CDK8: variants seen among roughly 807,000 people sequenced by gnomAD.
CDK8 encodes the protein cyclin-dependent kinase 8.
Under a neutral mutation model 71.5 loss-of-function variants are expected in CDK8, and 29 were observed. The ratio of observed to expected loss-of-function variants is 0.41; its 90% confidence interval spans 0.30 to 0.55. The LOEUF (loss-of-function observed/expected upper bound fraction) is 0.55, where lower values mean the gene tolerates loss of function less well. Ranked by LOEUF, CDK8 falls within the 20% of genes least tolerant of loss-of-function variation. The pLI is 0.37. For synonymous variants in CDK8, 161 were observed against 192.1 expected (o/e 0.84, Z 1.34); for missense variants, 288 against 572.6 (o/e 0.50, Z 5.07).
At chr13:26,312,163 C>T (rs973488937) in intron 1 of CDK8, among the ~76,000 whole-genome samples, 6 of 152,004 alleles carry the variant, frequency 3.9e-5, no homozygotes, top group Admixed American at 1.3e-4. Flanking sequence ...TCTGTGAAAA[C>T]GCAACAATCA....
Position 26,327,779 on chromosome 13 carries a change from A to C in CDK8, c.129-9788A>C, listed in dbSNP as rs193228257. On this transcript the variant is annotated intron_variant, in intron 1 of 12. Transcript: ENST00000381527. ...GGGAGGTGGAGGTTACAGTGAGCCG[A>C]GATTGCGCCACTGCACTCCAGCCTG... Among the ~76,000 whole-genome samples, 342 of 152,284 alleles carry C rather than the reference A, an allele frequency of 2.2e-3. 14 individuals carry two copies. In the East Asian group the frequency reaches 0.058, roughly 26 times the overall value.
intron 1 of CDK8, among the ~76,000 whole-genome samples, chr13:26,302,780 G>A (rs1454360296): frequency 6.6e-6 from 1 of 152,204 alleles, no homozygotes; most frequent in African/African-American, 2.4e-5. Flanking sequence ...TGCACATATT[G>A]TAACTGTTAA....
In CDK8 at chr13:26,399,909, C is replaced by T. The variant is rs182831471; in HGVS notation, c.934-544C>T. Among the ~76,000 whole-genome samples the T allele has an allele frequency of 2.6e-5, 4 of 152,328 alleles. No individual in the cohort carries two copies. In the East Asian group the frequency reaches 7.7e-4, roughly 29 times the overall value. On this transcript the variant is annotated intron_variant, in intron 9 of 12. Coordinates refer to ENST00000381527, the MANE Select transcript of CDK8 (RefSeq NM_001260.3). ...CTGTACTTTGTAAGTTGTGTATCACCATTTTTATTTAGACTAGAACAGCAC... is the reference window on the plus strand; with the variant it reads ...CTGTACTTTGTAAGTTGTGTATCACTATTTTTATTTAGACTAGAACAGCAC...
intron 1 of CDK8, among the ~76,000 whole-genome samples, chr13:26,309,644 T>C (rs939994096): frequency 6.6e-6 from 1 of 152,138 alleles, no homozygotes; most frequent in South Asian, 2.1e-4. Context: ...CTACATTCTC[T>C]CCCTAGGTGT....
At chr13:26,262,732 A>G (rs1871827338) in intron 1 of CDK8, among the ~76,000 whole-genome samples, 1 of 152,256 alleles carries the variant, frequency 6.6e-6, no homozygotes, top group South Asian at 2.1e-4. Flanking sequence ...AAATTAAGGA[A>G]AACGTAATTA....
chr13:26,391,158 G>T (rs1257290856), intron 6 of CDK8, among the ~76,000 whole-genome samples: 1 of 152,036 alleles, frequency 6.6e-6, no homozygotes, highest in Non-Finnish European at 1.5e-5. Flanking sequence ...ACAAAGGTGA[G>T]AGAGAATAGC....
At chr13:26,300,464 A>AT (rs1032627235) in intron 1 of CDK8, among the ~76,000 whole-genome samples, 5 of 152,166 alleles carry the variant, frequency 3.3e-5, no homozygotes, top group African/African-American at 1.2e-4. Flanking sequence ...TTTCCATTTA[A>AT]TATTTTCAGA....
intron 1 of CDK8, among the ~76,000 whole-genome samples, chr13:26,277,211 T>C (rs540750330): frequency 6.6e-6 from 1 of 152,362 alleles, no homozygotes; most frequent in African/African-American, 2.4e-5. Flanking sequence ...GATGATGTTA[T>C]ATCTACATTA....
intron 1 of CDK8, among the ~76,000 whole-genome samples, chr13:26,297,178 A>C (rs2137910646): frequency 6.6e-6 from 1 of 152,320 alleles, no homozygotes; most frequent in South Asian, 2.1e-4. Flanking sequence ...GGTGGCTCCC[A>C]AAGGAAAATG....
chr13:26,384,515 C>T (rs531718977), intron 5 of CDK8, among the ~76,000 whole-genome samples: 2 of 152,004 alleles, frequency 1.3e-5, no homozygotes, highest in East Asian at 1.9e-4. Flanking sequence ...CAGCCATGCC[C>T]GAATAACTAC....
chr13:26,387,488 T>C lies in CDK8; in HGVS notation c.646+2146T>C, dbSNP rs146666301. 4.1e-3 allele frequency among the ~76,000 whole-genome samples: 617 copies of C among 152,302 alleles called. 5 individuals are homozygous for C. Among genetic ancestry groups the C allele is most frequent in the African/African-American group, 0.014 (566 of 41,574 alleles). On this transcript the variant is annotated intron_variant, in intron 6 of 12. Transcript: ENST00000381527. Reference sequence around the variant, plus strand: ...CTCTAAATGCCAGAAGGCGCAGGTCTTTCCTCTGAAGCCAAAGTCTTCAGG... The same window carrying C: ...CTCTAAATGCCAGAAGGCGCAGGTCCTTCCTCTGAAGCCAAAGTCTTCAGG...
At chr13:26,266,119 C>T (rs1381556412) in intron 1 of CDK8, among the ~76,000 whole-genome samples, 1 of 151,342 alleles carries the variant, frequency 6.6e-6, no homozygotes, top group African/African-American at 2.4e-5. Flanking sequence ...TTGCCATTCA[C>T]ATAGCCAAAA....
chr13:26,312,056 G>A (rs1020702460), intron 1 of CDK8, among the ~76,000 whole-genome samples: 2 of 152,128 alleles, frequency 1.3e-5, no homozygotes, highest in Non-Finnish European at 2.9e-5. Flanking sequence ...GGTCGAGTGG[G>A]GACTTGGAGA....
chr13:26,374,253 A>G (rs1874841369), intron 4 of CDK8, among the ~76,000 whole-genome samples: 1 of 151,478 alleles, frequency 6.6e-6, no homozygotes, highest in Non-Finnish European at 1.5e-5. Context: ...ATAAGAATCC[A>G]GAAGCTATTT....
chr13:26,397,339 TC>T lies in CDK8; in HGVS notation c.933+115del, dbSNP rs1168409217. 8 of 638,600 alleles carry T rather than the reference TC, an allele frequency of 1.3e-5. No individual in the cohort carries two copies. In the African/African-American group the frequency reaches 1.5e-4, roughly 12 times the overall value. 39.6% of individuals were successfully genotyped at this position (638,600 alleles called of 1,614,324 possible). ...TACTTAGCTAGCACTCAGAGTGCTT[TC>T]ATGGTAAATGCAGAGATCTTGTTAG... On this transcript the variant is annotated intron_variant, in intron 9 of 12. Coordinates refer to ENST00000381527, the MANE Select transcript of CDK8 (RefSeq NM_001260.3).
At chr13:26,296,346 T>A (rs1873561765) in intron 1 of CDK8, among the ~76,000 whole-genome samples, 2 of 152,212 alleles carry the variant, frequency 1.3e-5, no homozygotes, top group African/African-American at 4.8e-5. Flanking sequence ...TCTTTGGTTA[T>A]CTTTGGGTTA....
intron 1 of CDK8, among the ~76,000 whole-genome samples, chr13:26,278,671 G>C (rs1872638153): frequency 6.6e-6 from 1 of 152,110 alleles, no homozygotes; most frequent in African/African-American, 2.4e-5. Flanking sequence ...TGTCTTCAAA[G>C]ATGTTAAATT....
chr13:26,303,222 T>C (rs1873899080), intron 1 of CDK8, among the ~76,000 whole-genome samples: 1 of 152,088 alleles, frequency 6.6e-6, no homozygotes, highest in African/African-American at 2.4e-5. Context: ...TTTGCAGTAA[T>C]TTCATTATCA....
chr13:26,283,326 T>C (rs1424864435), intron 1 of CDK8, among the ~76,000 whole-genome samples: 2 of 152,206 alleles, frequency 1.3e-5, no homozygotes, highest in Admixed American at 1.3e-4. Flanking sequence ...TGCAACAAAA[T>C]TGGCTGGGCA....
Sources: allele counts gnomAD v4.1 joint callset (sites outside exome capture counted in the v4.1 genomes callset), GRCh38; gene constraint gnomAD v4.1.1; transcripts MANE v1.5; gene names NCBI Gene and HGNC (gene_info 2026-07-23, HGNC 2026-07-21).